Variants in AOPEP observed in about 807,000 individuals in gnomAD.
AOPEP encodes the protein aminopeptidase O.
In AOPEP, 77 loss-of-function variants were observed where a neutral mutation model predicts 98.1. The ratio of observed to expected loss-of-function variants is 0.78; its 90% CI spans 0.65 to 0.95. The LOEUF (loss-of-function observed/expected upper bound fraction) is 0.95. Among genes scored for constraint, AOPEP ranks in the 40% least tolerant of loss-of-function variants. AOPEP has a pLI of 0.00. For synonymous variants in AOPEP, 346 were observed against 365.3 expected (o/e 0.95, Z 0.60); for missense variants, 1,024 against 1,024.7 (o/e 1.00, Z 0.01).
chr9:95,111,534 T>TG, the AOPEP span: 1 of 1,614,052 alleles, frequency 6.2e-7, no homozygotes, highest in Non-Finnish European at 8.5e-7. Flanking sequence ...AGCAGGGCCG[T>TG]GGGGGGTTCG....
At position 94,980,524 on chromosome 9, in the gene AOPEP, C is replaced by CT. The variant is rs1265095992; in HGVS notation, c.1977+1097_1977+1098insT. Among the ~76,000 whole-genome samples the CT allele has an allele frequency of 3.3e-5, 5 of 152,352 alleles. No individual in the cohort carries two copies. The highest frequency in any genetic ancestry group is 1.9e-4 in the East Asian group (1 of 5,190). ...TTCTCCATTACCTTTTCATCCCCCTCCTCACATCTTTGTCCATTTTCACCA... is the reference window on the plus strand; with the variant it reads ...TTCTCCATTACCTTTTCATCCCCCTCTCTCACATCTTTGTCCATTTTCACCA... On this transcript the variant is annotated intron_variant, in intron 11 of 16. Transcript: ENST00000375315. The surrounding 1 kb of genome is among the most constrained non-coding windows in gnomAD (Gnocchi z 4.3).
intron 5 of AOPEP, chr9:94,921,092 AAAG>A (rs2136740740): frequency 6.6e-6 from 1 of 152,184 alleles, no homozygotes; most frequent in African/African-American, 2.4e-5. Flanking sequence ...AAAAGACAAG[AAAG>A]AAACGTTTTT....
chr9:94,760,842 T>G (rs1838104617), intron 2 of AOPEP: 1 of 317,042 alleles, frequency 3.2e-6, no homozygotes, highest in African/African-American at 2.1e-5. Flanking sequence ...AAAGCCATGC[T>G]TAATGATGAA....
intron 13 of AOPEP, among the ~76,000 whole-genome samples, chr9:95,050,784 A>G (rs1345947529): frequency 1.3e-5 from 2 of 152,228 alleles, no homozygotes; most frequent in Non-Finnish European, 2.9e-5. Flanking sequence ...AGAAAATAAA[A>G]TGTGACCAAA....
At chr9:94,897,598 G>T (rs1018122899) in intron 5 of AOPEP, among the ~76,000 whole-genome samples, 1 of 152,048 alleles carries the variant, frequency 6.6e-6, no homozygotes, top group Non-Finnish European at 1.5e-5. Context: ...CTAATTGAAA[G>T]AAATACAAAA....
At chr9:95,002,973 T>G (rs1240871091) in intron 11 of AOPEP, among the ~76,000 whole-genome samples, 1 of 152,108 alleles carries the variant, frequency 6.6e-6, no homozygotes, top group Non-Finnish European at 1.5e-5. Context: ...AAGAGCAGAG[T>G]GACAGTAGGC....
chr9:94,955,346 CAAT>C (rs926723912), intron 8 of AOPEP, 67 bp downstream of exon 8: 48 of 938,162 alleles, frequency 5.1e-5, no homozygotes, highest in Non-Finnish European at 7.3e-5. Context: ...CACAATTAAA[CAAT>C]GATGATTAGT....
chr9:94,945,364 C>T (rs1165836731), intron 7 of AOPEP, among the ~76,000 whole-genome samples: 2 of 152,142 alleles, frequency 1.3e-5, no homozygotes, highest in Non-Finnish European at 2.9e-5. Context: ...CATTTGTTAA[C>T]CATTGGGCGT....
chr9:94,995,412 G>A (rs1306898569), intron 11 of AOPEP, among the ~76,000 whole-genome samples: 1 of 151,994 alleles, frequency 6.6e-6, no homozygotes, highest in African/African-American at 2.4e-5. Context: ...GAGAGGTTGT[G>A]TGACATGCAC....
intron 5 of AOPEP, among the ~76,000 whole-genome samples, chr9:94,903,722 G>T (rs1002833590): frequency 4.6e-5 from 7 of 151,300 alleles, no homozygotes; most frequent in African/African-American, 1.7e-4. Flanking sequence ...GATTACTTGA[G>T]CCCAGCAGTT....
At chr9:94,750,058 C>T (rs1428167156) in intron 1 of AOPEP, among the ~76,000 whole-genome samples, 3 of 152,182 alleles carry the variant, frequency 2.0e-5, no homozygotes, top group Non-Finnish European at 4.4e-5. Context: ...GCCTTTGCTG[C>T]TGTGGAGAGC....
chr9:95,148,597 T>C, the AOPEP span, among the ~76,000 whole-genome samples: 3 of 152,226 alleles, frequency 2.0e-5, no homozygotes, highest in Non-Finnish European at 2.9e-5. Flanking sequence ...ATGAGCTCCA[T>C]GGTGGCAGTA....
At chr9:95,094,959 C>T in the AOPEP span, among the ~76,000 whole-genome samples, 1 of 152,220 alleles carries the variant, frequency 6.6e-6, no homozygotes, top group Non-Finnish European at 1.5e-5. Flanking sequence ...GGCTGAGGAC[C>T]ATCCTGCCAT....
intron 5 of AOPEP, among the ~76,000 whole-genome samples, chr9:94,812,455 A>G (rs544782453): frequency 1.3e-5 from 2 of 152,218 alleles, no homozygotes; most frequent in African/African-American, 2.4e-5. Context: ...GACTCAAACC[A>G]CTTTCTCTTT....
At chr9:94,810,893 G>A (rs1850425603) in intron 5 of AOPEP, among the ~76,000 whole-genome samples, 1 of 152,134 alleles carries the variant, frequency 6.6e-6, no homozygotes, top group Non-Finnish European at 1.5e-5. Flanking sequence ...CCTCTGTTTT[G>A]TGTGTCATCA....
chr9:94,755,599 A>G (rs1159282788), intron 1 of AOPEP, among the ~76,000 whole-genome samples: 4 of 152,224 alleles, frequency 2.6e-5, no homozygotes, highest in African/African-American at 9.6e-5. Flanking sequence ...AAGCTATTAC[A>G]ATAAGAATTG....
At chr9:94,947,317 C>T (rs376615268) in intron 7 of AOPEP, among the ~76,000 whole-genome samples, 45 of 152,168 alleles carry the variant, frequency 3.0e-4, no homozygotes, top group African/African-American at 1.1e-3. Context: ...CTTTCTCTGT[C>T]GCCCAGGCTA....
Position 94,759,860 on chromosome 9 carries a change from A to G in AOPEP, c.77A>G (p.Tyr26Cys), listed in dbSNP as rs1386692161. 8 of 1,614,008 alleles carry G rather than the reference A, an allele frequency of 5.0e-6. No individual in the cohort carries two copies. Among genetic ancestry groups the G allele is most frequent in the East Asian group, 2.2e-5 (1 of 44,884 alleles). Reference sequence around the variant, plus strand: ...ACCAGCCACATACTTGTGAAGCACTATGTACTGGATTTGGATGTGGATTTT... The same window carrying G: ...ACCAGCCACATACTTGTGAAGCACTGTGTACTGGATTTGGATGTGGATTTT... Reference protein sequence around the residue: ...ANTSHILVKHYVLDLDVDFES... With the variant: ...ANTSHILVKHCVLDLDVDFES... The change falls in exon 2 of 17, where the codon TAT (tyrosine) becomes TGT (cysteine). Residue 26 changes from tyrosine to cysteine, a missense_variant. This residue lies in a region of AOPEP where 440 missense variants were observed against 433.8 expected (regional missense o/e 1.01). Transcript: ENST00000375315.
the AOPEP span, chr9:95,125,089 C>T: frequency 2.5e-5 from 41 of 1,613,396 alleles, no homozygotes; most frequent in East Asian, 4.5e-5. Flanking sequence ...AACAAACCTG[C>T]TTGCTTGCTT....
Sources: gnomAD v4.1 joint callset for allele counts (sites outside exome capture counted in the v4.1 genomes callset) on GRCh38, gnomAD v4.1.1 for gene constraint, gnomAD v4.1.1 regional missense constraint, Gnocchi (gnomAD v3.1) non-coding constraint, MANE v1.5 for transcripts, NCBI Gene and HGNC (gene_info 2026-07-23, HGNC 2026-07-21) for gene names.